The following IL36A variants were observed in gnomAD, a reference collection of about 807,000 sequenced individuals.
IL36A encodes interleukin 36 alpha, also known as interleukin-36 alpha.
Under a neutral mutation model 12.7 loss-of-function variants are expected in IL36A, and 13 were observed. The observed-to-expected ratio is 1.02, with a 90% CI of 0.67 to 1.63. The LOEUF is 1.63. Among genes scored for constraint, IL36A ranks in the 40% most tolerant of loss-of-function variants. The pLI is 0.00. For synonymous variants in IL36A, 73 were observed against 71.9 expected (o/e 1.01, Z -0.08); for missense variants, 195 against 192.9 (o/e 1.01, Z -0.07).
At chr2:113,008,357 CTTTTTTTTTTT>C (rs780723737), downstream of IL36A, among the ~76,000 whole-genome samples, 17 of 123,380 alleles carry the variant, frequency 1.4e-4, no homozygotes, top group South Asian at 3.9e-3. Flanking sequence ...GGTGGTGACT[CTTTTTTTTTTT>C]TTTTTTTTTT....
At position 113,006,652 on chromosome 2, in the gene IL36A, G is replaced by T; in HGVS notation, c.179G>T (p.Gly60Val). 1 of 1,614,058 alleles carries T rather than the reference G, an allele frequency of 6.2e-7. No individual in the cohort carries two copies. The highest frequency in any genetic ancestry group is 1.1e-5 in the South Asian group (1 of 91,080). ...RHVETLEKDRGNPIYLGLNGL... is the reference protein window; with the variant it reads ...RHVETLEKDRVNPIYLGLNGL... ...GTGGAGACCCTTGAGAAAGACAGAGGGAACCCCATCTACCTGGGCCTGAAT... is the reference window on the plus strand; with the variant it reads ...GTGGAGACCCTTGAGAAAGACAGAGTGAACCCCATCTACCTGGGCCTGAAT... The change falls in exon 3 of 4, where the codon GGG becomes GTG. Residue 60 changes from glycine to valine, a missense_variant. Transcript: ENST00000259211.
At chr2:113,007,614 C>T (rs1366596985) in intron 3 of IL36A, among the ~76,000 whole-genome samples, 1 of 152,202 alleles carries the variant, frequency 6.6e-6, no homozygotes, top group Non-Finnish European at 1.5e-5. Flanking sequence ...TTCAGAGCCT[C>T]ACATTAAAAA....
chr2:113,007,522 T>C (rs994530423), intron 3 of IL36A, among the ~76,000 whole-genome samples: 1 of 152,224 alleles, frequency 6.6e-6, no homozygotes, highest in African/African-American at 2.4e-5. Context: ...ACATAAATAT[T>C]CTTTAAGTTT....
intron 3 of IL36A, 42 bp from the exon 4 acceptor site, chr2:113,007,790 A>C: frequency 2.7e-6 from 4 of 1,478,254 alleles, no homozygotes; most frequent in Non-Finnish European, 3.8e-6. Context: ...GAAACATTCA[A>C]ACAGTTATGT....
chr2:113,010,103 A>G (rs118052073), downstream of IL36A, among the ~76,000 whole-genome samples: 40 of 152,252 alleles, frequency 2.6e-4, no homozygotes, highest in East Asian at 7.1e-3. Flanking sequence ...AAAATAGTTC[A>G]TCTGTGTAGT....
chr2:113,007,947 T>G lies in IL36A; in HGVS notation c.380T>G (p.Phe127Cys), dbSNP rs1210549629. 1 of 1,614,206 alleles carries G rather than the reference T, an allele frequency of 6.2e-7. No homozygotes were observed. Among genetic ancestry groups the G allele is most frequent in the African/African-American group, 1.3e-5 (1 of 75,060 alleles). Residue 127 changes from phenylalanine (F) to cysteine (C), a missense_variant, in exon 4 of 4, where the codon TTC becomes TGC. Physicochemically the swap from Phe to Cys is radical, Grantham distance 205. Transcript: ENST00000259211. The part of the protein sequence containing the change: ...TFESVAFPGW[F>C]IAVSSEGGCP... ...GAGTCTGTGGCTTTCCCTGGCTGGT[T>G]CATCGCTGTCAGCTCTGAAGGAGGC...
At chr2:113,010,223 G>A (rs561790191), downstream of IL36A, among the ~76,000 whole-genome samples, 2 of 152,274 alleles carry the variant, frequency 1.3e-5, no homozygotes, top group East Asian at 3.9e-4. Context: ...GGGCCCTGCA[G>A]GCATTGCCCC....
intron 2 of IL36A, 111 bp from the exon 3 acceptor site, chr2:113,006,486 CA>C: frequency 8.4e-7 from 1 of 1,184,190 alleles, no homozygotes; most frequent in Non-Finnish European, 1.2e-6. Context: ...GTGAGGTGAC[CA>C]TTCTATGAGT....
chr2:113,006,490 C>G (rs567681975), intron 2 of IL36A, 108 bp from the exon 3 acceptor site: 1 of 1,248,342 alleles, frequency 8.0e-7, no homozygotes, highest in Admixed American at 1.8e-5. Flanking sequence ...GGTGACCATT[C>G]TATGAGTGCA....
downstream of IL36A, chr2:113,008,166 A>G (rs28947176): frequency 1.3e-4 from 104 of 797,530 alleles, no homozygotes; most frequent in African/African-American, 1.7e-3. Context: ...CTGCCTCCCA[A>G]TATATTCATG....
At chr2:113,006,192 C>T (rs1684617851) in intron 2 of IL36A, 105 bp downstream of exon 2, 1 of 745,560 alleles carries the variant, frequency 1.3e-6, no homozygotes, top group African/African-American at 1.7e-5. Context: ...GGCATATCTA[C>T]AGAGAGGAGC....
At chr2:113,006,783 G>T (rs1261913330) in intron 3 of IL36A, 46 bp downstream of exon 3, 1 of 1,597,250 alleles carries the variant, frequency 6.3e-7, no homozygotes. Flanking sequence ...TGGAAACTCA[G>T]ATTTCAGGAT....
downstream of IL36A, among the ~76,000 whole-genome samples, chr2:113,009,961 C>T: frequency 6.6e-6 from 1 of 152,314 alleles, no homozygotes; most frequent in East Asian, 1.9e-4. Context: ...TTAATCCTCT[C>T]TTATTTTGAA....
At chr2:113,006,274 G>C (rs1021302741) in intron 2 of IL36A, among the ~76,000 whole-genome samples, 187 bp downstream of exon 2, 2 of 152,214 alleles carry the variant, frequency 1.3e-5, no homozygotes, top group African/African-American at 4.8e-5. Context: ...AGTCAGAGAA[G>C]AGAGAGAAGG....
rs752169360 is a variant in IL36A at position 113,005,843 on chromosome 2, C to T, written c.-29C>T. 6 of 1,613,938 alleles carry T rather than the reference C, an allele frequency of 3.7e-6. No individual in the cohort carries two copies. In the East Asian group the frequency reaches 1.1e-4, roughly 30 times the overall value. The stretch of plus-strand genomic sequence containing the variant: ...GTCTGCACATAAAAGGACTCCTATC[C>T]TTGGCAGTTCTGAAACAACACCACC... On this transcript the variant is annotated 5_prime_UTR_variant, in exon 1 of 4. Coordinates refer to ENST00000259211, the MANE Select transcript of IL36A (RefSeq NM_014440.3).
At chr2:113,010,455 G>A (rs1335437342), downstream of IL36A, among the ~76,000 whole-genome samples, 1 of 152,148 alleles carries the variant, frequency 6.6e-6, no homozygotes, top group Non-Finnish European at 1.5e-5. Context: ...GAGTGAAAGG[G>A]GTCTATGAAT....
downstream of IL36A, among the ~76,000 whole-genome samples, chr2:113,011,070 G>C (rs970096183): frequency 4.6e-5 from 7 of 152,110 alleles, no homozygotes; most frequent in African/African-American, 1.4e-4. Context: ...TTTAAAGGCT[G>C]AATAATAATC....
At chr2:113,008,505 C>CG (rs1456594051), downstream of IL36A, 2 of 220,114 alleles carry the variant, frequency 9.1e-6, no homozygotes, top group Non-Finnish European at 1.8e-5. Context: ...GGACTACAGG[C>CG]GCCCGCTACC....
downstream of IL36A, among the ~76,000 whole-genome samples, chr2:113,008,819 A>T (rs13394410): frequency 0.78 from 116,610 of 150,084 alleles, 45,791 homozygotes; most frequent in East Asian, 0.99. Context: ...TTTTTTTTTA[A>T]AAATTTTATT....
Sources: allele counts gnomAD v4.1 joint callset (sites outside exome capture counted in the v4.1 genomes callset), GRCh38; gene constraint gnomAD v4.1.1; transcripts MANE v1.5; gene names NCBI Gene and HGNC (gene_info 2026-07-23, HGNC 2026-07-21).